The following SYNE3 variants were observed in gnomAD, a reference collection of about 807,000 sequenced individuals.
SYNE3 encodes nesprin-3.
In SYNE3, 100 loss-of-function variants were observed where a neutral mutation model predicts 111.2. That is an observed-to-expected ratio of 0.90 (90% CI 0.77 to 1.06). The LOEUF is 1.06. SYNE3 is among the 50% of genes least tolerant of loss of function. The pLI, the probability that SYNE3 is intolerant of heterozygous loss-of-function variation, is 0.00. For missense variants in SYNE3, 1,160 were observed against 1,240.3 expected, an observed-to-expected ratio of 0.94 and a Z score of 0.97; for synonymous variants, 547 against 533.9, an observed-to-expected ratio of 1.02 and a Z score of -0.34.
chr14:95,504,965 G>A (rs1040822836), intron 1 of SYNE3, among the ~76,000 whole-genome samples: 3 of 152,276 alleles, frequency 2.0e-5, no homozygotes, highest in African/African-American at 7.2e-5. Flanking sequence ...GGGCCAGGCA[G>A]GGCCTGTTTA....
chr14:95,495,051 G>A (rs1890028747), intron 1 of SYNE3, among the ~76,000 whole-genome samples: 1 of 151,864 alleles, frequency 6.6e-6, no homozygotes, highest in Non-Finnish European at 1.5e-5. Context: ...GGCGGAGGTT[G>A]CAGTGAGCCG....
chr14:95,471,957 T>A (rs1888557409), intron 2 of SYNE3, among the ~76,000 whole-genome samples: 1 of 152,156 alleles, frequency 6.6e-6, no homozygotes, highest in Non-Finnish European at 1.5e-5. Flanking sequence ...CTGAGCATTA[T>A]GCTGAGTGCT....
intron 4 of SYNE3, among the ~76,000 whole-genome samples, chr14:95,462,614 C>T (rs1276286986): frequency 3.3e-5 from 5 of 152,224 alleles, no homozygotes; most frequent in East Asian, 3.8e-4. Flanking sequence ...CACTGCCAGG[C>T]GGGCCTTTGC....
chr14:95,410,516 C>A lies in SYNE3; in HGVS notation c.*7310G>T, dbSNP rs116696634. 6.6e-6 allele frequency: 1 copy of A among 152,324 alleles called. No homozygotes were observed. The highest frequency in any genetic ancestry group is 2.4e-5 in the African/African-American group (1 of 41,550). The allele number at this position is 152,324 out of a possible 1,614,324, so 9.4% of individuals were successfully genotyped here. A position where few individuals can be genotyped will look rare whatever the true frequency, so the allele number is the denominator to read the frequency against. On this transcript the variant is annotated 3_prime_UTR_variant, in exon 18 of 18. Transcript: ENST00000682763. Reference sequence around the variant, plus strand: ...AAGCTGCTAATGAGGAGGGCAGATTCGTCTAGTTCACTCCCCTTCTTCCTA... The same window carrying A: ...AAGCTGCTAATGAGGAGGGCAGATTAGTCTAGTTCACTCCCCTTCTTCCTA...
chr14:95,474,827 C>A (rs1386468475), intron 2 of SYNE3, among the ~76,000 whole-genome samples: 1 of 152,212 alleles, frequency 6.6e-6, no homozygotes, highest in Non-Finnish European at 1.5e-5. Flanking sequence ...GGCTGGGTGA[C>A]TGGTTTGCTG....
At chr14:95,469,958 A>G (rs1200937199) in intron 2 of SYNE3, among the ~76,000 whole-genome samples, 1 of 152,178 alleles carries the variant, frequency 6.6e-6, no homozygotes, top group Admixed American at 6.5e-5. Flanking sequence ...AGAGTGAGGC[A>G]AACAAGCTCC....
Position 95,439,991 on chromosome 14 carries a change from C to T in SYNE3, c.1996G>A (p.Val666Met), listed in dbSNP as rs945131973. Residue 666 changes from valine (V) to methionine (M), a missense_variant, in exon 12 of 18, where the codon GTG (valine) becomes ATG (methionine). Physicochemically the swap from Val to Met is conservative, Grantham distance 21. Coordinates refer to ENST00000682763, the MANE Select transcript of SYNE3 (RefSeq NM_152592.6). ...QLLELRQWIV[V>M]TTQKLEAHRG... The stretch of plus-strand genomic sequence containing the variant: ...TGTGCCTCCAGCTTTTGCGTGGTCA[C>T]AACGATCCACTGCCGCAGCTCCAGC... The T allele has an allele frequency of 8.7e-6, 14 of 1,613,530 alleles. No homozygotes were observed. Among genetic ancestry groups the T allele is most frequent in the African/African-American group, 1.3e-5 (1 of 74,946 alleles).
At chr14:95,437,205 G>A (rs551407501) in intron 14 of SYNE3, among the ~76,000 whole-genome samples, 40 of 152,326 alleles carry the variant, frequency 2.6e-4, no homozygotes, top group Admixed American at 7.8e-4. Flanking sequence ...GAGAGGTGAC[G>A]GAAGCCACCA....
chr14:95,456,402 T>C (rs901453931), intron 5 of SYNE3, among the ~76,000 whole-genome samples: 18 of 152,358 alleles, frequency 1.2e-4, no homozygotes, highest in African/African-American at 3.8e-4. Flanking sequence ...ACCACGGTTC[T>C]TCTCCCTTGG....
Position 95,467,784 on chromosome 14 carries a change from G to A in SYNE3, c.317+11C>T. The A allele has an allele frequency of 1.2e-6, 2 of 1,614,012 alleles. No individual in the cohort carries two copies. Among genetic ancestry groups the A allele is most frequent in the African/African-American group, 1.3e-5 (1 of 75,070 alleles). On this transcript the variant is annotated intron_variant, in intron 3 of 17. Coordinates refer to ENST00000682763, the MANE Select transcript of SYNE3 (RefSeq NM_152592.6). ...AATGGCAGCTGTGGACAAAGGCCCT[G>A]GATGCCCTACCTGTGACAGTGAGTC...
At chr14:95,446,619 G>A (rs1041210396) in intron 8 of SYNE3, among the ~76,000 whole-genome samples, 1 of 152,162 alleles carries the variant, frequency 6.6e-6, no homozygotes, top group African/African-American at 2.4e-5. Context: ...GGGAGCTACA[G>A]GCCTGTAGGA....
rs748639681 is a variant in SYNE3, at chr14:95,444,622, G to C, written c.1639C>G (p.Leu547Val). Residue 547 changes from leucine (L) to valine (V), a missense_variant, in exon 10 of 18, where the codon CTC (leucine) becomes GTC (valine). Transcript: ENST00000682763. ...LQRKSKLQSL[L>V]AQHKDFGAAF... ...GCTCCAAAGTCTTTGTGCTGAGCGA[G>C]CAGGCTCTGCAGAGACACAGGACAG... The C allele has an allele frequency of 2.5e-6, 4 of 1,586,002 alleles. No homozygotes were observed. In the East Asian group the frequency reaches 6.9e-5, roughly 27 times the overall value.
Position 95,465,931 on chromosome 14 carries a change from C to T in SYNE3, c.627G>A (p.Gln209=). The T allele has an allele frequency of 6.4e-7, 1 of 1,569,984 alleles. No individual in the cohort carries two copies. Among genetic ancestry groups the T allele is most frequent in the South Asian group, 1.2e-5 (1 of 86,608 alleles). The change falls in exon 4 of 18, where the codon CAG becomes CAA. Residue 209 remains glutamine (Q), a splice_region_variant and synonymous_variant. Transcript: ENST00000682763. ...GTAGCCCACTCAGCCTCACCCTCACCTGGGCCTTGGCCTTCACTGCATCGT... is the reference window on the plus strand; with the variant it reads ...GTAGCCCACTCAGCCTCACCCTCACTTGGGCCTTGGCCTTCACTGCATCGT... The part of the protein sequence containing the change: ...AEYDAVKAKA[Q]KRVDLLEQVA...
rs762955782 is a variant in SYNE3 at position 95,444,566 on chromosome 14, C to T, written c.1695G>A (p.Leu565=). 27 of 1,613,622 alleles carry T rather than the reference C, an allele frequency of 1.7e-5. No individual in the cohort carries two copies. The South Asian group carries it at 2.6e-4, about 16-fold the overall frequency. ...AAFEPLQRKL[L]DLQVRVQAEK... ...CGGCTTGGACCCTGACCTGGAGGTCCAAGAGCTTCCTCTGCAGGGGCTCAA... is the reference window on the plus strand; with the variant it reads ...CGGCTTGGACCCTGACCTGGAGGTCTAAGAGCTTCCTCTGCAGGGGCTCAA... The change falls in exon 10 of 18, where the codon TTG becomes TTA. Residue 565 remains leucine, a synonymous_variant. Coordinates refer to ENST00000682763, the MANE Select transcript of SYNE3 (RefSeq NM_152592.6).
intron 15 of SYNE3, 118 bp downstream of exon 15, chr14:95,436,702 A>T: frequency 8.1e-7 from 1 of 1,234,152 alleles, no homozygotes; most frequent in Non-Finnish European, 1.1e-6. Context: ...TTATCTATAC[A>T]CAAGGGAGAA....
chr14:95,468,312 T>C (rs4905329), intron 2 of SYNE3, among the ~76,000 whole-genome samples: 41,435 of 152,184 alleles, frequency 0.27, 6,120 homozygotes, highest in East Asian at 0.48. Context: ...CGTATCTATC[T>C]CTCAGATTTT....
rs368071604 is a variant in SYNE3, at chr14:95,422,784, C to T, written c.2728-4758G>A. ...CTCTCATGAAACCCTCACTGAGCCA[C>T]GTGTTGGCCTCTGAAGGCCCCTCTG... On this transcript the variant is annotated intron_variant, in intron 17 of 17. Coordinates refer to ENST00000682763, the MANE Select transcript of SYNE3 (RefSeq NM_152592.6). Among the ~76,000 whole-genome samples, 40 of 152,360 alleles carry T rather than the reference C, an allele frequency of 2.6e-4. No homozygotes were observed. The East Asian group carries it at 4.4e-3, about 17-fold the overall frequency.
chr14:95,428,136 A>G (rs896355409), intron 17 of SYNE3, among the ~76,000 whole-genome samples: 5 of 152,192 alleles, frequency 3.3e-5, no homozygotes, highest in Admixed American at 1.3e-4. Context: ...CACCTCACAG[A>G]AAGAGGAGGC....
At chr14:95,509,888 A>G (rs990082708) in intron 1 of SYNE3, among the ~76,000 whole-genome samples, 6 of 152,228 alleles carry the variant, frequency 3.9e-5, no homozygotes, top group African/African-American at 1.4e-4. Context: ...ACAAACTCTT[A>G]GGGAAGGTGG....
Sources: gnomAD v4.1 joint callset for allele counts (sites outside exome capture counted in the v4.1 genomes callset) on GRCh38, gnomAD v4.1.1 for gene constraint, MANE v1.5 for transcripts, NCBI Gene and HGNC (gene_info 2026-07-23, HGNC 2026-07-21) for gene names.